Variants in ZNF736 observed in about 807,000 individuals in gnomAD.
The protein encoded by ZNF736 is KRAB-containing zinc-finger repressor protein.
Under a neutral mutation model 11.7 loss-of-function variants are expected in ZNF736, and 6 were observed. That is an observed-to-expected ratio of 0.51 (90% confidence interval 0.28 to 1.01). ZNF736 has a LOEUF of 1.01. Among genes scored for constraint, ZNF736 ranks in the 50% least tolerant of loss-of-function variants. ZNF736 has a pLI of 0.09. For missense variants in ZNF736, 444 were observed against 496.0 expected, an observed-to-expected ratio of 0.90 and a Z score of 1.00; for synonymous variants, 139 against 164.7, an observed-to-expected ratio of 0.84 and a Z score of 1.19.
chr7:64,316,904 T>G (rs1352114422), intron 1 of ZNF736, among the ~76,000 whole-genome samples: 1 of 152,206 alleles, frequency 6.6e-6, no homozygotes. Context: ...ATCCCAGGGC[T>G]TAGCTTTGGG....
At chr7:64,318,664 C>A (rs975130596) in intron 1 of ZNF736, among the ~76,000 whole-genome samples, 2 of 152,102 alleles carry the variant, frequency 1.3e-5, no homozygotes, top group Non-Finnish European at 2.9e-5. Flanking sequence ...TTACTCAATT[C>A]ACATATTCTT....
In ZNF736 at chr7:64,348,888, T is replaced by C. The variant is rs376272330; in HGVS notation, c.1025T>C (p.Ile342Thr). ...KRIHTGEKPY[I>T]CEECGKAFTR... Reference sequence around the variant, plus strand: ...ATTCATACTGGAGAGAAACCCTACATCTGTGAAGAATGTGGCAAAGCCTTT... The same window carrying C: ...ATTCATACTGGAGAGAAACCCTACACCTGTGAAGAATGTGGCAAAGCCTTT... Residue 342 changes from isoleucine to threonine, a missense_variant, in exon 4 of 4, where the codon ATC becomes ACC. Transcript: ENST00000423484. 9.7e-5 allele frequency: 155 copies of C among 1,600,992 alleles called. 1 individual carries two copies. The African/African-American group carries it at 2.0e-3, about 20-fold the overall frequency.
chr7:64,354,280 CATGGATTTAAATATATAGATAT>C lies in ZNF736; in HGVS notation c.*5136_*5157del, dbSNP rs1723630993. 4 of 152,204 alleles carry C rather than the reference CATGGATTTAAATATATAGATAT, an allele frequency of 2.6e-5. No homozygotes were observed. The South Asian group carries it at 8.3e-4, about 32-fold the overall frequency. 9.4% of individuals were successfully genotyped at this position (152,204 alleles called of 1,614,324 possible). A position where few individuals can be genotyped will look rare whatever the true frequency, so the allele number is the denominator to read the frequency against. ...CATACAGACCTTTAGTTTTGGTTTA[CATGGATTTAAATATATAGATAT>C]ATCACTGTAAAATAAACTTCAGGTG... On this transcript the variant is annotated 3_prime_UTR_variant, in exon 4 of 4. Transcript: ENST00000423484.
At position 64,351,218 on chromosome 7, in the gene ZNF736, C is replaced by T. The variant is rs551980879; in HGVS notation, c.*2071C>T. 12 of 152,422 alleles carry T rather than the reference C, an allele frequency of 7.9e-5. No individual in the cohort carries two copies. The highest frequency in any genetic ancestry group is 2.9e-4 in the African/African-American group (12 of 41,588). The allele number at this position is 152,422 out of a possible 1,614,324, so 9.4% of individuals were successfully genotyped here. On this transcript the variant is annotated 3_prime_UTR_variant, in exon 4 of 4. Coordinates refer to ENST00000423484, the MANE Select transcript of ZNF736 (RefSeq NM_001170905.3). The stretch of plus-strand genomic sequence containing the variant: ...AGCACAAAGGCAGGGGTGGAGTTTT[C>T]TGGCTCTCTGCCCACCAAAGTTTCA...
chr7:64,354,000 A>G lies in ZNF736; in HGVS notation c.*4853A>G, dbSNP rs1467905149. 1 of 152,198 alleles carries G rather than the reference A, an allele frequency of 6.6e-6. No homozygotes were observed. The highest frequency in any genetic ancestry group is 1.5e-5 in the Non-Finnish European group (1 of 68,030). 9.4% of individuals were successfully genotyped at this position (152,198 alleles called of 1,614,324 possible). A position where few individuals can be genotyped will look rare whatever the true frequency, so the allele number is the denominator to read the frequency against. On this transcript the variant is annotated 3_prime_UTR_variant, in exon 4 of 4. Transcript: ENST00000423484. ...ATCTTACCCAAGGTTGTAGGTAACA[A>G]TATACTATTGGGTGACAGTGGACTA...
chr7:64,330,998 A>G (rs1168605453), intron 1 of ZNF736, among the ~76,000 whole-genome samples: 1 of 152,190 alleles, frequency 6.6e-6, no homozygotes, highest in Non-Finnish European at 1.5e-5. Flanking sequence ...TGGAGCTGTG[A>G]ACTGCACTGC....
chr7:64,319,331 GTGTATATATATATATATATATATATA>G (rs1283096993), intron 1 of ZNF736, among the ~76,000 whole-genome samples: 9 of 75,528 alleles, frequency 1.2e-4, no homozygotes, highest in South Asian at 4.9e-4. Context: ...GTGTGTGTAT[GTGTATATATATATATATATATATATA>G]TATATATATA....
chr7:64,315,100 C>G (rs1383780829), intron 1 of ZNF736, among the ~76,000 whole-genome samples: 1 of 152,148 alleles, frequency 6.6e-6, no homozygotes, highest in Non-Finnish European at 1.5e-5. Context: ...GCCTCTTTTT[C>G]AAGCTCTTGC....
Position 64,314,114 on chromosome 7 carries a change from C to T in ZNF736, c.-37C>T. The T allele has an allele frequency of 1.9e-6, 3 of 1,551,840 alleles. No individual in the cohort carries two copies. The highest frequency in any genetic ancestry group is 1.7e-6 in the Non-Finnish European group (2 of 1,147,130). On this transcript the variant is annotated 5_prime_UTR_variant, in exon 1 of 4. Coordinates refer to ENST00000423484, the MANE Select transcript of ZNF736 (RefSeq NM_001170905.3). ...CTGTGACCTGCAGGTACTGGGAGAT[C>T]CATAGGGAGGACGGCGGAACATCTG...
At chr7:64,344,077 C>T (rs966309971) in intron 3 of ZNF736, among the ~76,000 whole-genome samples, 9 of 152,000 alleles carry the variant, frequency 5.9e-5, no homozygotes, top group African/African-American at 2.2e-4. Flanking sequence ...CGAAGGTGGG[C>T]AGGTCACCTG....
chr7:64,352,483 A>G lies in ZNF736; in HGVS notation c.*3336A>G, dbSNP rs1464873365. The G allele has an allele frequency of 6.6e-6, 1 of 152,236 alleles. No individual in the cohort carries two copies. Among genetic ancestry groups the G allele is most frequent in the Non-Finnish European group, 1.5e-5 (1 of 68,070 alleles). 9.4% of individuals were successfully genotyped at this position (152,236 alleles called of 1,614,324 possible). A position where few individuals can be genotyped will look rare whatever the true frequency, so the allele number is the denominator to read the frequency against. On this transcript the variant is annotated 3_prime_UTR_variant, in exon 4 of 4. Coordinates refer to ENST00000423484, the MANE Select transcript of ZNF736 (RefSeq NM_001170905.3). ...GAGGTACCACTTCCACCCCCAGTTTATTTGGATTCTCCAAAGCCAGAAGGC... is the reference window on the plus strand; with the variant it reads ...GAGGTACCACTTCCACCCCCAGTTTGTTTGGATTCTCCAAAGCCAGAAGGC...
intron 1 of ZNF736, among the ~76,000 whole-genome samples, chr7:64,323,139 A>G (rs1038037213): frequency 6.6e-6 from 1 of 152,214 alleles, no homozygotes; most frequent in Non-Finnish European, 1.5e-5. Flanking sequence ...ATTCTAACCA[A>G]TTACAGCTGT....
chr7:64,338,128 A>G (rs931598456), intron 3 of ZNF736, among the ~76,000 whole-genome samples: 2 of 152,176 alleles, frequency 1.3e-5, no homozygotes, highest in African/African-American at 4.8e-5. Flanking sequence ...ATTTAGTATG[A>G]AGCTCACTGT....
chr7:64,350,704 G>A lies in ZNF736; in HGVS notation c.*1557G>A, dbSNP rs1377878325. The A allele has an allele frequency of 6.6e-6, 1 of 151,530 alleles. No individual in the cohort carries two copies. The highest frequency in any genetic ancestry group is 1.5e-5 in the Non-Finnish European group (1 of 68,012). The allele number at this position is 151,530 out of a possible 1,614,324, so 9.4% of individuals were successfully genotyped here. ...TTTTTTTTTTTAATCCTATTTGATG[G>A]TCTTGAGTATTTGATTGTGGTATAA... is the stretch of plus-strand genomic sequence containing the variant. On this transcript the variant is annotated 3_prime_UTR_variant, in exon 4 of 4. Coordinates refer to ENST00000423484, the MANE Select transcript of ZNF736 (RefSeq NM_001170905.3).
Position 64,348,176 on chromosome 7 carries a change from A to G in ZNF736, c.313A>G (p.Ser105Gly), listed in dbSNP as rs1245411235. 6 of 1,550,670 alleles carry G rather than the reference A, an allele frequency of 3.9e-6. No homozygotes were observed. The South Asian group carries it at 7.2e-5, about 19-fold the overall frequency. The change falls in exon 4 of 4, where the codon AGC becomes GGC. Residue 105 changes from serine to glycine, a missense_variant. Physicochemically the swap from Ser to Gly is moderately conservative, Grantham distance 56 (BLOSUM62 0). Transcript: ENST00000423484. Reference protein sequence around the residue: ...FQKVILRKYGSCDLNNLHLKK... With the variant: ...FQKVILRKYGGCDLNNLHLKK... ...AAAAGTGATTCTGAGAAAATATGGA[A>G]GCTGTGACCTTAATAATTTACATTT...
chr7:64,338,109 T>C (rs568613828), intron 3 of ZNF736, among the ~76,000 whole-genome samples: 2 of 152,318 alleles, frequency 1.3e-5, no homozygotes, highest in Admixed American at 1.3e-4. Context: ...GACATCGTTT[T>C]GTGGTTTTAT....
In ZNF736 at chr7:64,329,536, A is replaced by G. The variant is rs542625414; in HGVS notation, c.4-6723A>G. Among the ~76,000 whole-genome samples the G allele has an allele frequency of 1.6e-4, 24 of 152,314 alleles. No individual in the cohort carries two copies. In the South Asian group the frequency reaches 4.3e-3, roughly 28 times the overall value. ...GTAGAGGTACCACTTTGGTGGTCAT[A>G]GGTAAGATCCAAGAGAGTCTCTGGG... is the stretch of plus-strand genomic sequence containing the variant. On this transcript the variant is annotated intron_variant, in intron 1 of 3. Coordinates refer to ENST00000423484, the MANE Select transcript of ZNF736 (RefSeq NM_001170905.3).
chr7:64,319,312 T>G (rs1788961794), intron 1 of ZNF736, among the ~76,000 whole-genome samples: 1 of 111,300 alleles, frequency 9.0e-6, no homozygotes, highest in Non-Finnish European at 1.8e-5. Flanking sequence ...TGTGTGTATA[T>G]GTATGTGTGT....
intron 1 of ZNF736, among the ~76,000 whole-genome samples, chr7:64,335,608 G>A (rs1448614370): frequency 1.3e-5 from 2 of 152,164 alleles, no homozygotes; most frequent in South Asian, 2.1e-4. Context: ...ATCAAGTGAT[G>A]TGCAAAAACA....
Sources: allele counts gnomAD v4.1 joint callset (sites outside exome capture counted in the v4.1 genomes callset), GRCh38; gene constraint gnomAD v4.1.1; transcripts MANE v1.5; gene names NCBI Gene and HGNC (gene_info 2026-07-23, HGNC 2026-07-21).